DNAH11: variants seen among roughly 807,000 people sequenced by gnomAD.
DNAH11 encodes dynein axonemal heavy chain 11, also known as axonemal beta dynein heavy chain 11.
In DNAH11, 442 loss-of-function variants were observed where a neutral mutation model predicts 526.0. The ratio of observed to expected loss-of-function variants is 0.84; its 90% CI spans 0.78 to 0.91. The LOEUF (loss-of-function observed/expected upper bound fraction) is 0.91, where lower values mean the gene tolerates loss of function less well. Among genes scored for constraint, DNAH11 ranks in the 40% least tolerant of loss-of-function variants. DNAH11 has a pLI of 0.00. For missense variants in DNAH11, 6,989 were observed against 5,448.7 expected (o/e 1.28, Z -8.90); for synonymous variants, 2,461 against 1,935.9 (o/e 1.27, Z -7.12).
chr7:21,596,410 T>C (rs1402548785), intron 14 of DNAH11, among the ~76,000 whole-genome samples: 1 of 152,238 alleles, frequency 6.6e-6, no homozygotes, highest in African/African-American at 2.4e-5. Flanking sequence ...GAAATTAATT[T>C]GTTTTTCAGC....
At chr7:21,871,819 TATTGGTTTAAGACCCTTC>T (rs67120374) in intron 73 of DNAH11, among the ~76,000 whole-genome samples, 93,741 of 151,542 alleles carry the variant, frequency 0.62, 31,728 homozygotes, top group Non-Finnish European at 0.77. Flanking sequence ...ACATCAGTCA[TATTGGTTTAAGACCCTTC>T]ATTGGCAGGA....
chr7:21,732,216 T>G (rs2128487920), intron 45 of DNAH11, among the ~76,000 whole-genome samples: 1 of 152,336 alleles, frequency 6.6e-6, no homozygotes, highest in African/African-American at 2.4e-5. Context: ...CAAGTTTGGC[T>G]TCTCCTGAGG....
intron 54 of DNAH11, among the ~76,000 whole-genome samples, chr7:21,764,801 A>G (rs535147530): frequency 6.6e-6 from 1 of 152,366 alleles, no homozygotes; most frequent in East Asian, 1.9e-4. Flanking sequence ...TTACATAGCT[A>G]CACAAAACTT....
Position 21,570,185 on chromosome 7 carries a change from T to C in DNAH11, c.1311T>C (p.Tyr437=), listed in dbSNP as rs559143773. The C allele has an allele frequency of 2.5e-6, 4 of 1,613,450 alleles. No homozygotes were observed. The highest frequency in any genetic ancestry group is 2.5e-6 in the Non-Finnish European group (3 of 1,179,710). The change falls in exon 7 of 82, where the codon TAT becomes TAC. Residue 437 remains tyrosine (Y), a synonymous_variant. Transcript: ENST00000409508. The part of the protein sequence containing the change: ...LKTFKNSFFN[Y]RKKLASYFMG... ...CTTTCAAAAACTCCTTTTTCAACTA[T>C]AGAAAAAAATTGGCAAGCTACTTTA...
intron 21 of DNAH11, 76 bp from the exon 22 acceptor site, chr7:21,616,133 C>A: frequency 9.6e-7 from 1 of 1,040,522 alleles, no homozygotes; most frequent in South Asian, 1.3e-5. Flanking sequence ...AGTGTATCAT[C>A]AGTTTATATA....
At chr7:21,760,062 C>T (rs538551653) in intron 54 of DNAH11, among the ~76,000 whole-genome samples, 1 of 151,940 alleles carries the variant, frequency 6.6e-6, no homozygotes, top group South Asian at 2.1e-4. Flanking sequence ...TTTCTAATCC[C>T]ACTGTTGGAA....
chr7:21,816,753 G>T, intron 64 of DNAH11, 51 bp downstream of exon 64: 1 of 1,509,308 alleles, frequency 6.6e-7, no homozygotes, highest in Non-Finnish European at 9.1e-7. Flanking sequence ...TGTGAAGTGG[G>T]TCTGATTTTT....
intron 35 of DNAH11, among the ~76,000 whole-genome samples, chr7:21,695,755 C>G (rs1783822046): frequency 1.3e-5 from 2 of 152,224 alleles, no homozygotes; most frequent in South Asian, 2.1e-4. Context: ...TCTAATTAAA[C>G]TAAAATGTGT....
chr7:21,561,458 A>T (rs1259638425), intron 5 of DNAH11: 1 of 260,574 alleles, frequency 3.8e-6, no homozygotes, highest in Non-Finnish European at 7.2e-6. Context: ...AAAAAAAAAA[A>T]ATAAGTCTGG....
intron 30 of DNAH11, among the ~76,000 whole-genome samples, chr7:21,674,783 C>T (rs1270682841): frequency 6.6e-6 from 1 of 152,090 alleles, no homozygotes; most frequent in Non-Finnish European, 1.5e-5. Flanking sequence ...TGAAGTCTCA[C>T]ACGCACACCC....
chr7:21,585,716 C>T (rs1187572280), intron 9 of DNAH11, among the ~76,000 whole-genome samples: 2 of 152,096 alleles, frequency 1.3e-5, no homozygotes, highest in African/African-American at 4.8e-5. Context: ...TTTAGGTGGC[C>T]ACAGATTTTT....
At chr7:21,649,964 G>A (rs754871859) in intron 28 of DNAH11, among the ~76,000 whole-genome samples, 3 of 151,910 alleles carry the variant, frequency 2.0e-5, no homozygotes, top group Non-Finnish European at 2.9e-5. Context: ...CATGCCCAGC[G>A]ACTATTCTAT....
At chr7:21,642,319 G>A (rs952698617) in intron 28 of DNAH11, among the ~76,000 whole-genome samples, 1 of 152,108 alleles carries the variant, frequency 6.6e-6, no homozygotes, top group African/African-American at 2.4e-5. Flanking sequence ...TGTTGAGAAG[G>A]AGCTAGGGGC....
chr7:21,861,185 C>G (rs930568019), intron 68 of DNAH11, among the ~76,000 whole-genome samples: 3 of 152,172 alleles, frequency 2.0e-5, no homozygotes, highest in African/African-American at 7.2e-5. Flanking sequence ...TTAATGGGTA[C>G]AGAGCTTCAG....
chr7:21,858,554 T>C (rs949944749), intron 68 of DNAH11, among the ~76,000 whole-genome samples: 1 of 152,208 alleles, frequency 6.6e-6, no homozygotes, highest in African/African-American at 2.4e-5. Context: ...GAATTGTTGG[T>C]ACACACAACA....
At chr7:21,581,643 T>G (rs1258845892) in intron 8 of DNAH11, among the ~76,000 whole-genome samples, 1 of 152,230 alleles carries the variant, frequency 6.6e-6, no homozygotes, top group Non-Finnish European at 1.5e-5. Context: ...AGCACTGCTG[T>G]TGAGGCCTGG....
intron 79 of DNAH11, among the ~76,000 whole-genome samples, chr7:21,895,547 C>G (rs1452900630): frequency 1.3e-5 from 2 of 152,138 alleles, no homozygotes; most frequent in Non-Finnish European, 2.9e-5. Flanking sequence ...GATGTTACAC[C>G]TAATTGCTCC....
At chr7:21,630,284 T>G (rs1786544290) in intron 25 of DNAH11, among the ~76,000 whole-genome samples, 1 of 152,200 alleles carries the variant, frequency 6.6e-6, no homozygotes, top group African/African-American at 2.4e-5. Context: ...CTTAACCGTT[T>G]GCTGTAGCTA....
At position 21,852,505 on chromosome 7, in the gene DNAH11, G is replaced by C; in HGVS notation, c.10935G>C (p.Glu3645Asp). The C allele has an allele frequency of 1.2e-6, 2 of 1,613,492 alleles. No individual in the cohort carries two copies. The highest frequency in any genetic ancestry group is 1.7e-6 in the Non-Finnish European group (2 of 1,179,706). ...LTKHQNDFKI[E>D]LKYLEDDLLL... ...AGCACCAAAATGATTTTAAAATTGA[G>C]CTCAAGTATCTGGAAGACGATCTCC... Residue 3645 changes from glutamate (E) to aspartate (D), a missense_variant, in exon 67 of 82, where the codon GAG (glutamate) becomes GAC (aspartate). By Grantham distance (45) the Glu-to-Asp change is conservative. Transcript: ENST00000409508.
Sources: allele counts gnomAD v4.1 joint callset (sites outside exome capture counted in the v4.1 genomes callset), GRCh38; gene constraint gnomAD v4.1.1; transcripts MANE v1.5; gene names NCBI Gene and HGNC (gene_info 2026-07-23, HGNC 2026-07-21).